VPS13B: variants seen among roughly 807,000 people sequenced by gnomAD.
The protein encoded by VPS13B is intermembrane lipid transfer protein VPS13B.
In VPS13B, 285 loss-of-function variants were observed where a neutral mutation model predicts 426.4. The ratio of observed to expected loss-of-function variants is 0.67; its 90% CI spans 0.61 to 0.74. The LOEUF (loss-of-function observed/expected upper bound fraction) is 0.74. VPS13B is among the 30% of genes least tolerant of loss of function. VPS13B has a pLI of 0.00. For synonymous variants in VPS13B, 1,676 were observed against 1,676.4 expected (o/e 1.00, Z 0.01); for missense variants, 4,537 against 4,782.6 (o/e 0.95, Z 1.51).
chr8:99,756,114 C>G (rs942500616), intron 39 of VPS13B, among the ~76,000 whole-genome samples: 3 of 152,040 alleles, frequency 2.0e-5, no homozygotes, highest in Admixed American at 6.5e-5. Context: ...GTATAGGAAT[C>G]ATGTCTCACC....
chr8:99,027,327 T>G (rs1842192620), intron 2 of VPS13B, among the ~76,000 whole-genome samples: 1 of 152,204 alleles, frequency 6.6e-6, no homozygotes, highest in African/African-American at 2.4e-5. Flanking sequence ...CCTTTTTTTT[T>G]TTAAATATAT....
chr8:99,819,474 C>A lies in VPS13B; in HGVS notation c.8684C>A (p.Ala2895Asp). The A allele has an allele frequency of 6.2e-7, 1 of 1,613,826 alleles. No individual in the cohort carries two copies. The highest frequency in any genetic ancestry group is 1.1e-5 in the South Asian group (1 of 91,068). Reference sequence around the variant, plus strand: ...TCAACATCCCTCATTAAGCAAATAGCCACTAAGGTACACCCTGGAGGCACA... The same window carrying A: ...TCAACATCCCTCATTAAGCAAATAGACACTAAGGTACACCCTGGAGGCACA... Reference protein sequence around the residue: ...PISTSLIKQIATKVHPGGTVN... With the variant: ...PISTSLIKQIDTKVHPGGTVN... The change falls in exon 48 of 62, where the codon GCC (alanine) becomes GAC (aspartate). Residue 2895 changes from alanine to aspartate, a missense_variant. Around this residue, in one of 2 missense-constraint regions of VPS13B, gnomAD observed 4,311 missense variants for 4,474.3 expected, o/e 0.96. Transcript: ENST00000357162.
At chr8:99,088,031 A>G (rs938513460) in intron 3 of VPS13B, among the ~76,000 whole-genome samples, 6 of 151,892 alleles carry the variant, frequency 4.0e-5, no homozygotes, top group Non-Finnish European at 5.9e-5. Context: ...TGAAAATACA[A>G]AAATTAGCTG....
In VPS13B at chr8:99,442,148, C is replaced by A. The variant is rs907649973; in HGVS notation, c.3211-253C>A. On this transcript the variant is annotated intron_variant, in intron 22 of 61. Coordinates refer to ENST00000357162, the MANE Select transcript of VPS13B (RefSeq NM_152564.5). ...CTTCTTTTGCCAGCACACTTTCTAA[C>A]TCAATCTTGTGTCTTGGAAAAGACT... Among the ~76,000 whole-genome samples the A allele has an allele frequency of 2.6e-5, 4 of 152,248 alleles. No individual in the cohort carries two copies. The East Asian group carries it at 5.8e-4, about 22-fold the overall frequency.
Position 99,452,670 on chromosome 8 carries a change from A to G in VPS13B, c.3445+10035A>G, listed in dbSNP as rs574170051. On this transcript the variant is annotated intron_variant, in intron 23 of 61. Coordinates refer to ENST00000357162, the MANE Select transcript of VPS13B (RefSeq NM_152564.5). ...CTTTACGAAATGAAAAAAAGGGGGG[A>G]AAAAGCATTACATAGATGATTAATA... is the stretch of plus-strand genomic sequence containing the variant. 2.0e-3 allele frequency among the ~76,000 whole-genome samples: 307 copies of G among 152,296 alleles called. 1 individual carries two copies. The highest frequency in any genetic ancestry group is 6.8e-3 in the African/African-American group (282 of 41,570).
intron 29 of VPS13B, among the ~76,000 whole-genome samples, chr8:99,513,729 GAACCA>G (rs1430388855): frequency 6.6e-6 from 1 of 152,080 alleles, no homozygotes; most frequent in East Asian, 1.9e-4. Context: ...TTTAGAAGAC[GAACCA>G]AATGTGTATG....
At chr8:99,832,904 A>T (rs1815162309) in intron 52 of VPS13B, among the ~76,000 whole-genome samples, 1 of 152,234 alleles carries the variant, frequency 6.6e-6, no homozygotes, top group Admixed American at 6.5e-5. Context: ...CTTGTACCAC[A>T]GAATGTCATT....
intron 13 of VPS13B, among the ~76,000 whole-genome samples, chr8:99,145,014 G>T (rs934779017): frequency 1.3e-5 from 2 of 152,124 alleles, no homozygotes; most frequent in Admixed American, 6.5e-5. Context: ...TGAAAAGAGG[G>T]TTTTATGTAG....
chr8:99,105,157 T>G (rs1410080293), intron 5 of VPS13B, among the ~76,000 whole-genome samples: 2 of 152,108 alleles, frequency 1.3e-5, no homozygotes, highest in Non-Finnish European at 2.9e-5. Context: ...AAAAGGAGAG[T>G]AGTCCTGATT....
rs150771329 is a variant in VPS13B, at chr8:99,776,865, T to C, written c.7338T>C (p.Phe2446=). The C allele has an allele frequency of 8.3e-4, 1,339 of 1,614,120 alleles. 7 individuals are homozygous for C. In the African/African-American group the frequency reaches 0.016, roughly 19 times the overall value. Residue 2446 remains phenylalanine (F), a synonymous_variant, in exon 41 of 62, where the codon TTT becomes TTC. Coordinates refer to ENST00000357162, the MANE Select transcript of VPS13B (RefSeq NM_152564.5). ...CCTGTACCAGAGTTGACTCCTGCTT[T>C]ACCCCATGGTTTGTCCCATCCCTTT... The part of the protein sequence containing the change: ...LAACTRVDSC[F]TPWFVPSLCV...
chr8:99,729,904 A>G (rs749257651), intron 39 of VPS13B, among the ~76,000 whole-genome samples: 6 of 152,254 alleles, frequency 3.9e-5, no homozygotes, highest in Non-Finnish European at 8.8e-5. Context: ...TGACTTTACA[A>G]GCTTCCCGTA....
chr8:99,778,966 G>A lies in VPS13B; in HGVS notation c.7714G>A (p.Val2572Ile). The A allele has an allele frequency of 6.2e-7, 1 of 1,613,934 alleles. No individual in the cohort carries two copies. The highest frequency in any genetic ancestry group is 8.5e-7 in the Non-Finnish European group (1 of 1,179,872). ...LLDCTVIVDS[V>I]FVNLGQHVVH... ...TGACTGCACCGTGATAGTTGATTCT[G>A]TATTTGTAAACCTTGGACAGCATGT... Residue 2572 changes from valine (V) to isoleucine (I), a missense_variant, in exon 42 of 62, where the codon GTA becomes ATA. Coordinates refer to ENST00000357162, the MANE Select transcript of VPS13B (RefSeq NM_152564.5).
chr8:99,257,795 T>TG (rs1481079967), intron 17 of VPS13B, among the ~76,000 whole-genome samples: 3 of 147,710 alleles, frequency 2.0e-5, no homozygotes, highest in Non-Finnish European at 4.5e-5. Context: ...AATGCTGACT[T>TG]TTTTTTTTTT....
Position 99,481,656 on chromosome 8 carries a change from A to G in VPS13B, c.3724A>G (p.Lys1242Glu). The G allele has an allele frequency of 1.2e-6, 2 of 1,614,012 alleles. No individual in the cohort carries two copies. The highest frequency in any genetic ancestry group is 1.7e-6 in the Non-Finnish European group (2 of 1,179,908). ...IMNKVWNKIQ[K>E]RGNLNLSPTS... ...GAATAAGGTCTGGAACAAGATTCAG[A>G]AGAGAGGCAATCTCAACCTATCTCC... Residue 1242 changes from lysine to glutamate, a missense_variant, in exon 25 of 62, where the codon AAG becomes GAG. By Grantham distance (56) the Lys-to-Glu change is moderately conservative. Transcript: ENST00000357162.
chr8:99,013,861 G>C lies in VPS13B; in HGVS notation c.73G>C (p.Asp25His), dbSNP rs1841449150. ...NRYIKNLKPS[D>H]LQLSLWGGDV... Reference sequence around the variant, plus strand: ...CTACATCAAGAACTTAAAGCCGTCGGATCTACAGCTTTCACTATGGGGTGG... The same window carrying C: ...CTACATCAAGAACTTAAAGCCGTCGCATCTACAGCTTTCACTATGGGGTGG... Residue 25 changes from aspartate (D) to histidine (H), a missense_variant, in exon 2 of 62, where the codon GAT becomes CAT. Asp to His is a moderately conservative substitution (Grantham distance 81). This residue lies in a region of VPS13B where 226 missense variants were observed against 308.3 expected (regional missense o/e 0.73). Coordinates refer to ENST00000357162, the MANE Select transcript of VPS13B (RefSeq NM_152564.5). 1 of 1,614,058 alleles carries C rather than the reference G, an allele frequency of 6.2e-7. No homozygotes were observed. The highest frequency in any genetic ancestry group is 8.5e-7 in the Non-Finnish European group (1 of 1,180,048).
At chr8:99,634,152 C>A (rs1828976874) in intron 33 of VPS13B, among the ~76,000 whole-genome samples, 1 of 151,858 alleles carries the variant, frequency 6.6e-6, no homozygotes, top group Admixed American at 6.6e-5. Context: ...GTCAACACTG[C>A]AGATAAAATC....
chr8:99,533,421 A>G (rs1258448642), intron 30 of VPS13B, among the ~76,000 whole-genome samples: 1 of 152,044 alleles, frequency 6.6e-6, no homozygotes. Context: ...CTCCAAATTC[A>G]TTTCTCTTGT....
chr8:99,123,051 G>A (rs1411949487), intron 8 of VPS13B, among the ~76,000 whole-genome samples: 4 of 151,068 alleles, frequency 2.6e-5, no homozygotes, highest in Non-Finnish European at 5.9e-5. Context: ...AACCCGGGAG[G>A]TGGAGGTTGT....
At chr8:99,416,547 A>G (rs1816016499) in intron 21 of VPS13B, among the ~76,000 whole-genome samples, 1 of 152,182 alleles carries the variant, frequency 6.6e-6, no homozygotes, top group South Asian at 2.1e-4. Context: ...CCCTGTTGGC[A>G]TAGGCCCCTG....
Sources: allele counts gnomAD v4.1 joint callset (sites outside exome capture counted in the v4.1 genomes callset), GRCh38; gene constraint gnomAD v4.1.1; regional missense constraint gnomAD v4.1.1; transcripts MANE v1.5; gene names NCBI Gene and HGNC (gene_info 2026-07-23, HGNC 2026-07-21).